Variants in CHD7 observed in about 807,000 individuals in gnomAD.
The protein encoded by CHD7 is ATP-dependent chromatin remodeler CHD7.
A neutral mutation model predicts 307.3 loss-of-function variants in CHD7; 24 were observed. The ratio of observed to expected loss-of-function variants is 0.08; its 90% confidence interval spans 0.06 to 0.11. The LOEUF is 0.11. Ranked by LOEUF, CHD7 falls within the 10% of genes least tolerant of loss-of-function variation. The pLI, the probability that CHD7 is intolerant of heterozygous loss-of-function variation, is 1.00. For missense variants in CHD7, 3,106 were observed against 3,727.1 expected, an observed-to-expected ratio of 0.83 and a Z score of 4.34; for synonymous variants, 1,363 against 1,349.9, an observed-to-expected ratio of 1.01 and a Z score of -0.21.
chr8:60,748,565 GAAC>G (rs1383493768), intron 2 of CHD7, among the ~76,000 whole-genome samples: 3 of 152,178 alleles, frequency 2.0e-5, no homozygotes, highest in Non-Finnish European at 4.4e-5. Flanking sequence ...ACATGGATGA[GAAC>G]AATCTGCAAG....
rs1812254137 is a variant in CHD7 at position 60,800,507 on chromosome 8, C to T, written c.2358C>T (p.Thr786=). The T allele has an allele frequency of 1.2e-6, 2 of 1,613,530 alleles. No individual in the cohort carries two copies. The highest frequency in any genetic ancestry group is 1.3e-5 in the African/African-American group (1 of 74,876). Residue 786 remains threonine, a synonymous_variant, in exon 5 of 38, where the codon ACC becomes ACT. Coordinates refer to ENST00000423902, the MANE Select transcript of CHD7 (RefSeq NM_017780.4). ...CTGGGAGGGATTCCCCCTCCAACAC[C>T]TCCCAGTCAGAACAGCAGGTTAGTA... The part of the protein sequence containing the change: ...DAAGRDSPSN[T]SQSEQQESVD...
In CHD7 at chr8:60,862,295, G is replaced by A. The variant is rs1282129968; in HGVS notation, c.7930G>A (p.Glu2644Lys). ...ATTGGATATAAACACTTTGACAGGAGAAGAAAGGGTGCCTGTTGTCAATAA... is the reference window on the plus strand; with the variant it reads ...ATTGGATATAAACACTTTGACAGGAAAAGAAAGGGTGCCTGTTGTCAATAA... ...NKLDINTLTG[E>K]ERVPVVNKRN... The change falls in exon 36 of 38, where the codon GAA becomes AAA. Residue 2644 changes from glutamate (E) to lysine (K), a missense_variant. Physicochemically the swap from Glu to Lys is moderately conservative, Grantham distance 56. Around this residue, in one of 10 missense-constraint regions of CHD7, gnomAD observed 59 missense variants for 106.2 expected, o/e 0.56. Coordinates refer to ENST00000423902, the MANE Select transcript of CHD7 (RefSeq NM_017780.4). 1 of 1,608,948 alleles carries A rather than the reference G, an allele frequency of 6.2e-7. No homozygotes were observed. Among genetic ancestry groups the A allele is most frequent in the Non-Finnish European group, 8.5e-7 (1 of 1,178,252 alleles).
At chr8:60,799,883 C>T (rs1014163626) in intron 4 of CHD7, among the ~76,000 whole-genome samples, 7 of 152,186 alleles carry the variant, frequency 4.6e-5, no homozygotes, top group Middle Eastern at 3.4e-3. Context: ...CTGTCCCAGG[C>T]GTCTGACTCC....
rs768456277 is a variant in CHD7, at chr8:60,822,040, A to T, written c.2852A>T (p.Asp951Val). 6.2e-7 allele frequency: 1 copy of T among 1,613,880 alleles called. No individual in the cohort carries two copies. ...ETERVERPPA[D>V]DWKKSESSRE... ...TTGAAACAGGAGCGACCTCCTGCTG[A>T]TGATTGGAAGAAATCGGAGAGTTCC... Residue 951 changes from aspartate (D) to valine (V), a missense_variant, in exon 11 of 38, where the codon GAT becomes GTT. Asp to Val is a radical substitution (Grantham distance 152). Transcript: ENST00000423902.
intron 2 of CHD7, among the ~76,000 whole-genome samples, chr8:60,749,596 A>G (rs1021217763): frequency 9.3e-6 from 1 of 107,378 alleles, no homozygotes; most frequent in Non-Finnish European, 2.4e-5. Context: ...GGAAAACAAA[A>G]TGTCTCTAAA....
chr8:60,837,094 A>T, intron 17 of CHD7, 82 bp downstream of exon 17: 2 of 1,112,090 alleles, frequency 1.8e-6, no homozygotes, highest in South Asian at 1.6e-5. Context: ...TCAGACCCAT[A>T]AATTAATGTT....
At chr8:60,807,365 C>A (rs993960055) in intron 6 of CHD7, among the ~76,000 whole-genome samples, 1 of 152,136 alleles carries the variant, frequency 6.6e-6, no homozygotes, top group Non-Finnish European at 1.5e-5. Context: ...TTTATCTGAT[C>A]AAATGTTCCA....
chr8:60,844,414 T>C (rs994428600), intron 21 of CHD7, among the ~76,000 whole-genome samples: 3 of 152,242 alleles, frequency 2.0e-5, no homozygotes, highest in Non-Finnish European at 4.4e-5. Context: ...GGTGGGTTGA[T>C]GCGGCCATAC....
At chr8:60,765,204 TACACACACACAC>T (rs71245521) in intron 2 of CHD7, among the ~76,000 whole-genome samples, 45 of 150,134 alleles carry the variant, frequency 3.0e-4, no homozygotes, top group Admixed American at 6.6e-4. Context: ...GGGATATGCA[TACACACACACAC>T]ACACACACAC....
At chr8:60,800,170 A>G (rs1812228809) in intron 4 of CHD7, among the ~76,000 whole-genome samples, 1 of 152,032 alleles carries the variant, frequency 6.6e-6, no homozygotes, top group Admixed American at 6.6e-5. Context: ...AGCTGGGACT[A>G]CAGGCACCCG....
At chr8:60,755,672 G>A (rs1204671694) in intron 2 of CHD7, among the ~76,000 whole-genome samples, 1 of 151,884 alleles carries the variant, frequency 6.6e-6, no homozygotes, top group Non-Finnish European at 1.5e-5. Context: ...GTATTTTATT[G>A]AATTGTAATC....
rs530365009 is a variant in CHD7, at chr8:60,712,786, C to T, written c.-174-28473C>T. Among the ~76,000 whole-genome samples, 7 of 151,778 alleles carry T rather than the reference C, an allele frequency of 4.6e-5. No individual in the cohort carries two copies. In the South Asian group the frequency reaches 8.3e-4, roughly 18 times the overall value. ...ATAAAAATGGCTGGGTGCAGTGGCT[C>T]ACCCCTGTATCCCAGCACTTTGGGA... On this transcript the variant is annotated intron_variant, in intron 1 of 37. Coordinates refer to ENST00000423902, the MANE Select transcript of CHD7 (RefSeq NM_017780.4).
chr8:60,826,515 A>G (rs532086437), intron 13 of CHD7, among the ~76,000 whole-genome samples: 2 of 152,326 alleles, frequency 1.3e-5, no homozygotes, highest in East Asian at 1.9e-4. Flanking sequence ...GTTAGTAACT[A>G]TATCCAACTA....
chr8:60,826,525 A>G (rs550482183), intron 13 of CHD7, among the ~76,000 whole-genome samples: 1 of 152,330 alleles, frequency 6.6e-6, no homozygotes, highest in African/African-American at 2.4e-5. Context: ...ATATCCAACT[A>G]CGGCACAGGC....
intron 1 of CHD7, among the ~76,000 whole-genome samples, chr8:60,721,080 A>G (rs1807878854): frequency 1.3e-5 from 2 of 152,206 alleles, no homozygotes; most frequent in Admixed American, 6.5e-5. Context: ...CAACTTAGGC[A>G]TGGAGCCTGG....
At chr8:60,857,784 C>T (rs865833368) in intron 34 of CHD7, among the ~76,000 whole-genome samples, 2 of 152,212 alleles carry the variant, frequency 1.3e-5, no homozygotes, top group African/African-American at 4.8e-5. Flanking sequence ...TTACTTACAC[C>T]ATCCCTATTA....
chr8:60,797,031 G>A (rs548918580), intron 4 of CHD7, among the ~76,000 whole-genome samples: 24 of 152,250 alleles, frequency 1.6e-4, no homozygotes, highest in Middle Eastern at 3.4e-3. Context: ...AGTTTAAAAA[G>A]TTGATATATT....
At chr8:60,812,662 C>CA (rs143111740) in intron 7 of CHD7, among the ~76,000 whole-genome samples, 24,304 of 81,612 alleles carry the variant, frequency 0.3, 3,421 homozygotes, top group African/African-American at 0.48. Context: ...GACTACATCT[C>CA]AAAAAAAAAA....
chr8:60,691,447 C>T (rs545016512), intron 1 of CHD7, among the ~76,000 whole-genome samples: 1 of 152,336 alleles, frequency 6.6e-6, no homozygotes, highest in East Asian at 1.9e-4. Context: ...TTTACTTGTG[C>T]ATCTTTTACT....
Sources: allele counts gnomAD v4.1 joint callset (sites outside exome capture counted in the v4.1 genomes callset), GRCh38; gene constraint gnomAD v4.1.1; regional missense constraint gnomAD v4.1.1; transcripts MANE v1.5; gene names NCBI Gene and HGNC (gene_info 2026-07-23, HGNC 2026-07-21).